The following LMX1B variants were observed in gnomAD, a reference collection of about 807,000 sequenced individuals.
LMX1B encodes LIM homeobox transcription factor 1-beta.
Under a neutral mutation model 51.4 loss-of-function variants are expected in LMX1B, and 12 were observed. The observed-to-expected ratio is 0.23, with a 90% CI of 0.15 to 0.38. LMX1B has a LOEUF of 0.38. LMX1B is among the 10% of genes least tolerant of loss of function. The probability of loss-of-function intolerance (pLI) is 1.00; values close to 1 mark genes in which losing one functional copy is unlikely to be tolerated. For missense variants in LMX1B, 445 were observed against 571.1 expected, an observed-to-expected ratio of 0.78 and a Z score of 2.25; for synonymous variants, 237 against 235.4, an observed-to-expected ratio of 1.01 and a Z score of -0.06.
Position 126,690,912 on chromosome 9 carries a change from G to T in LMX1B, c.403G>T (p.Val135Leu). ...GTTCGTGATGCGGGCGCTGGAGTGC[G>T]TGTACCACCTGGGCTGCTTCTGCTG... is the stretch of plus-strand genomic sequence containing the variant. ...TEFVMRALEC[V>L]YHLGCFCCCV... The change falls in exon 3 of 8, where the codon GTG becomes TTG. Residue 135 changes from valine to leucine, a missense_variant. Physicochemically the swap from Val to Leu is conservative, Grantham distance 32. Around this residue, in one of 3 missense-constraint regions of LMX1B, gnomAD observed 273 missense variants for 343.3 expected, o/e 0.80. Transcript: ENST00000373474. 6.2e-7 allele frequency: 1 copy of T among 1,614,050 alleles called. No individual in the cohort carries two copies. Among genetic ancestry groups the T allele is most frequent in the Non-Finnish European group, 8.5e-7 (1 of 1,179,978 alleles).
chr9:126,679,723 A>G (rs1836638489), intron 2 of LMX1B, among the ~76,000 whole-genome samples: 1 of 152,084 alleles, frequency 6.6e-6, no homozygotes, highest in South Asian at 2.1e-4. Flanking sequence ...CTGACCCACT[A>G]TCTTCCTAAC....
chr9:126,632,390 G>T (rs1173002968), intron 2 of LMX1B, among the ~76,000 whole-genome samples: 1 of 152,136 alleles, frequency 6.6e-6, no homozygotes, highest in Non-Finnish European at 1.5e-5. Context: ...GGGTTAAATG[G>T]GTGGGCTGGG....
At position 126,614,572 on chromosome 9, in the gene LMX1B, T is replaced by G; in HGVS notation, c.123T>G (p.Thr41=). 2 of 1,600,876 alleles carry G rather than the reference T, an allele frequency of 1.2e-6. No individual in the cohort carries two copies. The highest frequency in any genetic ancestry group is 1.7e-6 in the Non-Finnish European group (2 of 1,173,964). ...ACGCCCTGCGCCCCGGGCCCGCCACTCTGGGGGTGCTGCTGGGTGAGTGCG... is the reference window on the plus strand; with the variant it reads ...ACGCCCTGCGCCCCGGGCCCGCCACGCTGGGGGTGCTGCTGGGTGAGTGCG... ...EEHALRPGPA[T]LGVLLGSDCP... The change falls in exon 1 of 8, where the codon ACT becomes ACG. Residue 41 remains threonine (T), a synonymous_variant. Transcript: ENST00000373474.
At chr9:126,638,093 G>A (rs1247135201) in intron 2 of LMX1B, among the ~76,000 whole-genome samples, 2 of 151,980 alleles carry the variant, frequency 1.3e-5, no homozygotes, top group African/African-American at 4.8e-5. Flanking sequence ...AGGCTGCCTG[G>A]GGAAGCATGG....
At chr9:126,644,227 C>A (rs1394441214) in intron 2 of LMX1B, among the ~76,000 whole-genome samples, 1 of 152,210 alleles carries the variant, frequency 6.6e-6, no homozygotes, top group South Asian at 2.1e-4. Flanking sequence ...GAGTCTCCCC[C>A]ATCAGCTCAG....
chr9:126,637,993 C>T (rs951296140), intron 2 of LMX1B, among the ~76,000 whole-genome samples: 7 of 152,108 alleles, frequency 4.6e-5, no homozygotes, highest in Non-Finnish European at 8.8e-5. Flanking sequence ...AATCCCCACT[C>T]CTCCCGCTCC....
intron 2 of LMX1B, among the ~76,000 whole-genome samples, chr9:126,686,872 T>C (rs2118978882): frequency 6.6e-6 from 1 of 152,352 alleles, no homozygotes; most frequent in East Asian, 1.9e-4. Flanking sequence ...TGCAGGCAGC[T>C]GATAACTGAG....
rs186580353 is a variant in LMX1B, at chr9:126,675,673, C to T, written c.327-15163C>T. On this transcript the variant is annotated intron_variant, in intron 2 of 7. Coordinates refer to ENST00000373474, the MANE Select transcript of LMX1B (RefSeq NM_001174147.2). Reference sequence around the variant, plus strand: ...CCGGGAGGCAGAGGTTGCGGTGAGCCGGGATTGTGCCACTGCACTCCAGCC... The same window carrying T: ...CCGGGAGGCAGAGGTTGCGGTGAGCTGGGATTGTGCCACTGCACTCCAGCC... Among the ~76,000 whole-genome samples, 474 of 149,458 alleles carry T rather than the reference C, an allele frequency of 3.2e-3. 1 individual carries two copies. The highest frequency in any genetic ancestry group is 0.011 in the African/African-American group (451 of 40,400).
At position 126,698,418 on chromosome 9, in the gene LMX1B, T is replaced by G. The variant is rs888051580; in HGVS notation, c.*1967T>G. On this transcript the variant is annotated 3_prime_UTR_variant, in exon 8 of 8. Transcript: ENST00000373474. ...AATGCATCCTCTTTGGGGGACACAT[T>G]CCAATTGCATTTCCTGCCCCCTTCT... 7 of 152,338 alleles carry G rather than the reference T, an allele frequency of 4.6e-5. No homozygotes were observed. The highest frequency in any genetic ancestry group is 2.6e-4 in the Admixed American group (4 of 15,282). 9.4% of individuals were successfully genotyped at this position (152,338 alleles called of 1,614,324 possible).
intron 2 of LMX1B, among the ~76,000 whole-genome samples, chr9:126,647,226 T>C (rs1835918785): frequency 6.7e-6 from 1 of 150,322 alleles, no homozygotes; most frequent in African/African-American, 2.4e-5. Flanking sequence ...AAAAAAAAAA[T>C]GCTAGGAAAA....
chr9:126,681,703 C>T (rs973120460), intron 2 of LMX1B, among the ~76,000 whole-genome samples: 2 of 152,070 alleles, frequency 1.3e-5, no homozygotes, highest in Non-Finnish European at 2.9e-5. Flanking sequence ...GAGTTCGTGA[C>T]CAGCCTGGCC....
Position 126,671,301 on chromosome 9 carries a change from C to T in LMX1B, c.327-19535C>T, listed in dbSNP as rs568090882. On this transcript the variant is annotated intron_variant, in intron 2 of 7. Coordinates refer to ENST00000373474, the MANE Select transcript of LMX1B (RefSeq NM_001174147.2). This position sits in a 1 kb window ranked among gnomAD's most constrained non-coding sequence, Gnocchi z 4.4. ...TTAAAAGCCCCACGTAGATGCTTTG[C>T]ATTGTGAAAACCCACAAATATCAGC... is the stretch of plus-strand genomic sequence containing the variant. 1.3e-5 allele frequency among the ~76,000 whole-genome samples: 2 copies of T among 152,314 alleles called. No individual in the cohort carries two copies. The highest frequency in any genetic ancestry group is 1.3e-4 in the Admixed American group (2 of 15,308).
In LMX1B at chr9:126,630,439, G is replaced by A. The variant is rs906155680; in HGVS notation, c.326+14870G>A. On this transcript the variant is annotated intron_variant, in intron 2 of 7. Transcript: ENST00000373474. The stretch of plus-strand genomic sequence containing the variant: ...TAGGCAGGGCACATTTCATCACTGG[G>A]GGGGAGGGTTGTTATCTGTGACCTG... 3.9e-5 allele frequency among the ~76,000 whole-genome samples: 6 copies of A among 152,320 alleles called. No homozygotes were observed. The East Asian group carries it at 1.2e-3, about 29-fold the overall frequency.
chr9:126,679,581 T>C (rs1836635090), intron 2 of LMX1B, among the ~76,000 whole-genome samples: 1 of 151,790 alleles, frequency 6.6e-6, no homozygotes, highest in South Asian at 2.1e-4. Flanking sequence ...GATGCATGGA[T>C]GGATGGGTGG....
intron 2 of LMX1B, among the ~76,000 whole-genome samples, chr9:126,679,418 A>T (rs1188305256): frequency 6.7e-6 from 1 of 149,738 alleles, no homozygotes; most frequent in Non-Finnish European, 1.5e-5. Context: ...TGGGTAATAT[A>T]TGGGTGGTGG....
intron 2 of LMX1B, among the ~76,000 whole-genome samples, chr9:126,624,950 G>A (rs1047019363): frequency 6.6e-6 from 1 of 152,164 alleles, no homozygotes; most frequent in Non-Finnish European, 1.5e-5. Context: ...AAAGGATTTC[G>A]CCGGTTTTAT....
chr9:126,634,303 G>A (rs927205369), intron 2 of LMX1B, among the ~76,000 whole-genome samples: 2 of 152,142 alleles, frequency 1.3e-5, no homozygotes, highest in Non-Finnish European at 2.9e-5. Flanking sequence ...GCAGTGACGG[G>A]GTCGCCATGG....
At chr9:126,660,916 G>T (rs1836231883) in intron 2 of LMX1B, among the ~76,000 whole-genome samples, 2 of 152,170 alleles carry the variant, frequency 1.3e-5, no homozygotes, top group African/African-American at 4.8e-5. Flanking sequence ...CCATGATAGG[G>T]GACCCACAGG....
At chr9:126,668,461 A>ATTATTATTATTATTATTG (rs1836387250) in intron 2 of LMX1B, among the ~76,000 whole-genome samples, 3 of 151,200 alleles carry the variant, frequency 2.0e-5, no homozygotes, top group African/African-American at 7.3e-5. Context: ...TATTATTATT[A>ATTATTATTATTATTATTG]TTATTATTTT....
Sources: allele counts gnomAD v4.1 joint callset (sites outside exome capture counted in the v4.1 genomes callset), GRCh38; gene constraint gnomAD v4.1.1; regional missense constraint gnomAD v4.1.1; non-coding constraint Gnocchi (gnomAD v3.1); transcripts MANE v1.5; gene names NCBI Gene and HGNC (gene_info 2026-07-23, HGNC 2026-07-21).